The following SPAST variants were observed in gnomAD, a reference collection of about 807,000 sequenced individuals.
SPAST encodes spastic paraplegia 4 (autosomal dominant; spastin).
A neutral mutation model predicts 76.6 loss-of-function variants in SPAST; 30 were observed. That is an observed-to-expected ratio of 0.39 (90% CI 0.29 to 0.53). SPAST has a LOEUF of 0.53. Ranked by LOEUF, SPAST falls within the 20% of genes least tolerant of loss-of-function variation. The probability of loss-of-function intolerance (pLI) is 0.68; values close to 1 mark genes in which losing one functional copy is unlikely to be tolerated. For synonymous variants in SPAST, 305 were observed against 281.0 expected (o/e 1.09, Z -0.86); for missense variants, 717 against 770.5 (o/e 0.93, Z 0.82).
Position 32,083,750 on chromosome 2 carries a change from C to CTTTTTTTTTT in SPAST, c.416-3741_416-3740insTTTTTTTTTT, listed in dbSNP as rs1677344896. Among the ~76,000 whole-genome samples the CTTTTTTTTTT allele has an allele frequency of 3.2e-5, 2 of 62,870 alleles. 1 individual carries two copies. The highest frequency in any genetic ancestry group is 1.3e-4 in the African/African-American group (2 of 15,756). The allele number at this position is 62,870 out of a possible 152,430, so 41.2% of individuals were successfully genotyped here. A position where few individuals can be genotyped will look rare whatever the true frequency, so the allele number is the denominator to read the frequency against. ...TATATACTATATATATTTATATATA[C>CTTTTTTTTTT]TATATATATATATATATATATATAT... On this transcript the variant is annotated intron_variant, in intron 1 of 16. Coordinates refer to ENST00000315285, the MANE Select transcript of SPAST (RefSeq NM_014946.4).
At chr2:32,150,628 G>C (rs910279153) in intron 16 of SPAST, among the ~76,000 whole-genome samples, 8 of 151,568 alleles carry the variant, frequency 5.3e-5, no homozygotes, top group Non-Finnish European at 1.0e-4. Flanking sequence ...TGTAGAGATG[G>C]GGTCTCACTA....
chr2:32,140,338 C>T (rs995328982), intron 12 of SPAST, among the ~76,000 whole-genome samples: 11 of 152,172 alleles, frequency 7.2e-5, no homozygotes, highest in African/African-American at 2.4e-4. Context: ...ATGTTATTTC[C>T]ATAAGCTCTT....
At chr2:32,105,487 T>C (rs774558025) in intron 4 of SPAST, among the ~76,000 whole-genome samples, 2 of 152,244 alleles carry the variant, frequency 1.3e-5, no homozygotes, top group Non-Finnish European at 2.9e-5. Flanking sequence ...TGTCTAGCTT[T>C]GTTCCGTTGC....
At chr2:32,115,489 C>G (rs1034624879) in intron 5 of SPAST, among the ~76,000 whole-genome samples, 1 of 152,166 alleles carries the variant, frequency 6.6e-6, no homozygotes, top group Non-Finnish European at 1.5e-5. Flanking sequence ...AACTAAATCT[C>G]TGGATAAAAT....
intron 16 of SPAST, 120 bp from the exon 17 acceptor site, chr2:32,154,254 A>C (rs1573186165): frequency 1.2e-6 from 1 of 830,318 alleles, no homozygotes; most frequent in Non-Finnish European, 2.0e-6. Context: ...CTAAGAATAC[A>C]TACACGTATA....
At chr2:32,099,924 C>G (rs1036230071) in intron 4 of SPAST, among the ~76,000 whole-genome samples, 3 of 151,118 alleles carry the variant, frequency 2.0e-5, no homozygotes, top group Non-Finnish European at 4.4e-5. Flanking sequence ...TCTTGGACAC[C>G]TAGGTTGATT....
At position 32,075,283 on chromosome 2, in the gene SPAST, G is replaced by T. The variant is rs530092889; in HGVS notation, c.415+11037G>T. On this transcript the variant is annotated intron_variant, in intron 1 of 16. Transcript: ENST00000315285. ...TAAAAATACAAAAACAAAATTAGCC[G>T]GGCGTGGTAGTGGGCGCCTGTAATC... Among the ~76,000 whole-genome samples, 5 of 151,362 alleles carry T rather than the reference G, an allele frequency of 3.3e-5. No homozygotes were observed. The Admixed American group carries it at 3.3e-4, about 10-fold the overall frequency.
intron 4 of SPAST, among the ~76,000 whole-genome samples, chr2:32,110,678 T>C (rs1188239732): frequency 2.2e-5 from 3 of 138,114 alleles, no homozygotes; most frequent in Non-Finnish European, 3.1e-5. Context: ...GTATATATAG[T>C]GTATATATAC....
chr2:32,097,536 C>A (rs1321229635), intron 3 of SPAST, among the ~76,000 whole-genome samples: 1 of 152,080 alleles, frequency 6.6e-6, no homozygotes, highest in Non-Finnish European at 1.5e-5. Flanking sequence ...TATACAGTTA[C>A]TGCAGTATGC....
chr2:32,154,489 C>G lies in SPAST; in HGVS notation c.1844C>G (p.Thr615Ser), dbSNP rs765941217. The change falls in exon 17 of 17, where the codon ACT (threonine) becomes AGT (serine). Residue 615 changes from threonine (T) to serine (S), a missense_variant. By Grantham distance (58) the Thr-to-Ser change is moderately conservative. Around this residue, in one of 3 missense-constraint regions of SPAST, gnomAD observed 96 missense variants for 127.6 expected, o/e 0.75. Transcript: ENST00000315285. Reference sequence around the variant, plus strand: ...TGGAACAAGGACTTTGGAGATACCACTGTTTAAGGAAATACCTTTGTAAAC... The same window carrying G: ...TGGAACAAGGACTTTGGAGATACCAGTGTTTAAGGAAATACCTTTGTAAAC... The part of the protein sequence containing the change: ...IRWNKDFGDT[T>S]V 6.2e-6 allele frequency: 10 copies of G among 1,613,474 alleles called. No individual in the cohort carries two copies. The highest frequency in any genetic ancestry group is 8.5e-6 in the Non-Finnish European group (10 of 1,179,504).
chr2:32,147,329 A>T, intron 16 of SPAST, 71 bp downstream of exon 16: 5 of 675,838 alleles, frequency 7.4e-6, no homozygotes, highest in Non-Finnish European at 1.0e-5. Context: ...TACATATATG[A>T]ATGTGTGTGT....
chr2:32,099,935 C>G (rs1043728310), intron 4 of SPAST, among the ~76,000 whole-genome samples: 4 of 147,004 alleles, frequency 2.7e-5, no homozygotes, highest in East Asian at 2.1e-4. Context: ...TAGGTTGATT[C>G]TGTATCTTGG....
intron 4 of SPAST, among the ~76,000 whole-genome samples, chr2:32,105,414 G>A (rs888847694): frequency 4.6e-5 from 7 of 152,016 alleles, no homozygotes; most frequent in Non-Finnish European, 1.0e-4. Flanking sequence ...CCTTTAGCTC[G>A]GAGAACTTTG....
intron 4 of SPAST, among the ~76,000 whole-genome samples, chr2:32,113,846 T>C (rs4952247): frequency 0.42 from 63,901 of 151,892 alleles, 13,758 homozygotes; most frequent in East Asian, 0.64. Flanking sequence ...GGATTACAGG[T>C]GTGAGCCATC....
rs1677530374 is a variant in SPAST, at chr2:32,087,480, T to G, written c.416-12T>G. 1 of 1,555,256 alleles carries G rather than the reference T, an allele frequency of 6.4e-7. No individual in the cohort carries two copies. The highest frequency in any genetic ancestry group is 1.4e-5 in the African/African-American group (1 of 73,846). On this transcript the variant is annotated splice_polypyrimidine_tract_variant and intron_variant, in intron 1 of 16. Transcript: ENST00000315285. Reference sequence around the variant, plus strand: ...TTCATACGATCTATACAAATAATTTTTTATTTTAAAGCAGGACAGAAGGAG... The same window carrying G: ...TTCATACGATCTATACAAATAATTTGTTATTTTAAAGCAGGACAGAAGGAG...
intron 9 of SPAST, among the ~76,000 whole-genome samples, chr2:32,135,002 G>A (rs886503680): frequency 7.9e-5 from 12 of 151,734 alleles, no homozygotes; most frequent in African/African-American, 2.4e-4. Context: ...GGCCTCTAGC[G>A]TAACTTTTAC....
rs753598913 is a variant in SPAST, at chr2:32,114,691, C to T, written c.736C>T (p.Leu246=). ...CCCCTTAACACACACTAGTAATTCACTGCCTCGTTCAAAAACAGTTATGAA... is the reference window on the plus strand; with the variant it reads ...CCCCTTAACACACACTAGTAATTCATTGCCTCGTTCAAAAACAGTTATGAA... The part of the protein sequence containing the change: ...KDPLTHTSNS[L]PRSKTVMKTG... The change falls in exon 5 of 17, where the codon CTG becomes TTG. Residue 246 remains leucine (L), a synonymous_variant. Transcript: ENST00000315285. The T allele has an allele frequency of 1.2e-6, 2 of 1,614,092 alleles. No homozygotes were observed. Among genetic ancestry groups the T allele is most frequent in the South Asian group, 1.1e-5 (1 of 91,086 alleles).
At chr2:32,134,030 C>A (rs1679454487) in intron 9 of SPAST, among the ~76,000 whole-genome samples, 1 of 152,028 alleles carries the variant, frequency 6.6e-6, no homozygotes, top group Non-Finnish European at 1.5e-5. Flanking sequence ...AGTCGTTACT[C>A]TATTTATTTA....
At chr2:32,120,699 A>C (rs1271654622) in intron 7 of SPAST, among the ~76,000 whole-genome samples, 2 of 150,760 alleles carry the variant, frequency 1.3e-5, no homozygotes, top group African/African-American at 4.9e-5. Context: ...CTACCATCAT[A>C]ATTTCCTTTT....
Sources: allele counts gnomAD v4.1 joint callset (sites outside exome capture counted in the v4.1 genomes callset), GRCh38; gene constraint gnomAD v4.1.1; regional missense constraint gnomAD v4.1.1; transcripts MANE v1.5; gene names NCBI Gene and HGNC (gene_info 2026-07-23, HGNC 2026-07-21).